The following NLRC3 variants were observed in gnomAD, a reference collection of about 807,000 sequenced individuals.
NLRC3 encodes the protein NLR family CARD domain-containing protein 3.
In NLRC3, 87 loss-of-function variants were observed where a neutral mutation model predicts 91.6. The ratio of observed to expected loss-of-function variants is 0.95; its 90% CI spans 0.80 to 1.14. The LOEUF (loss-of-function observed/expected upper bound fraction) is 1.14, where lower values mean the gene tolerates loss of function less well. Among genes scored for constraint, NLRC3 ranks in the 50% most tolerant of loss-of-function variants. NLRC3 has a pLI of 0.00. For missense variants in NLRC3, 1,577 were observed against 1,418.6 expected, an observed-to-expected ratio of 1.11 and a Z score of -1.79; for synonymous variants, 694 against 625.3, an observed-to-expected ratio of 1.11 and a Z score of -1.64.
In NLRC3 at chr16:3,542,731, GC is replaced by G. The variant is rs1452173515; in HGVS notation, c.2983del (p.Ala995GlnfsTer4). On this transcript the variant is annotated frameshift_variant, in exon 18 of 20. Transcript: ENST00000359128. LOFTEE classifies it high-confidence loss of function. ...AIGVAGAKAL[A>X]NALKVNSSLR... ...ACTTGAGTTTACCTTCAGAGCATTT[GC>G]CAGGGCTTTGGCTCCAGCCACCCCA... 1 of 1,610,746 alleles carries G rather than the reference GC, an allele frequency of 6.2e-7. No individual in the cohort carries two copies. The highest frequency in any genetic ancestry group is 1.7e-5 in the Admixed American group (1 of 59,664).
At chr16:3,572,767 C>T (rs755256957) in intron 1 of NLRC3, among the ~76,000 whole-genome samples, 1 of 152,098 alleles carries the variant, frequency 6.6e-6, no homozygotes, top group Non-Finnish European at 1.5e-5. Flanking sequence ...AATCCTAGCA[C>T]TTTGGGAGGC....
intron 11 of NLRC3, among the ~76,000 whole-genome samples, chr16:3,550,103 A>G (rs2038915523): frequency 6.6e-6 from 1 of 152,176 alleles, no homozygotes; most frequent in African/African-American, 2.4e-5. Flanking sequence ...AGGCTCCCCA[A>G]GTGTGGGTGT....
chr16:3,569,392 A>ATATAT (rs1555446797), intron 1 of NLRC3, among the ~76,000 whole-genome samples: 12 of 55,558 alleles, frequency 2.2e-4, no homozygotes, highest in East Asian at 1.6e-3. Context: ...ATATATATAT[A>ATATAT]TATTATTTTT....
intron 1 of NLRC3, among the ~76,000 whole-genome samples, chr16:3,570,449 C>T (rs2040060220): frequency 6.6e-6 from 1 of 152,162 alleles, no homozygotes; most frequent in South Asian, 2.1e-4. Flanking sequence ...AAGTCCTTGA[C>T]CTGCGGTTTG....
rs1180341853 is a variant in NLRC3, at chr16:3,549,205, C to G, written c.2540G>C (p.Ser847Thr). The G allele has an allele frequency of 6.3e-7, 1 of 1,586,064 alleles. No homozygotes were observed. Among genetic ancestry groups the G allele is most frequent in the Non-Finnish European group, 8.6e-7 (1 of 1,165,916 alleles). Residue 847 changes from serine (S) to threonine (T), a missense_variant, in exon 13 of 20, where the codon AGT becomes ACT. Transcript: ENST00000359128. Reference sequence around the variant, plus strand: ...AGCGATGGCCTGGGCTCCCTCGGGACTGATGGAGTTTTCTCGAAGGCTGAA... The same window carrying G: ...AGCGATGGCCTGGGCTCCCTCGGGAGTGATGGAGTTTTCTCGAAGGCTGAA... Reference protein sequence around the residue: ...LSLSLRENSISPEGAQAIAHA... With the variant: ...LSLSLRENSITPEGAQAIAHA...
Position 3,542,702 on chromosome 16 carries a change from G to C in NLRC3, c.3013C>G (p.Arg1005Gly). 6.2e-7 allele frequency: 1 copy of C among 1,608,302 alleles called. No homozygotes were observed. Among genetic ancestry groups the C allele is most frequent in the Non-Finnish European group, 8.5e-7 (1 of 1,176,490 alleles). ...ANALKVNSSL[R>G]RLNLQENSLG... ...CCTCCAGCCACTTACTTGAGTCTCC[G>C]GAGACTTGAGTTTACCTTCAGAGCA... The change falls in exon 18 of 20, where the codon CGG (arginine) becomes GGG (glycine). Residue 1005 changes from arginine to glycine, a missense_variant. Transcript: ENST00000359128.
rs1224483634 is a variant in NLRC3, at chr16:3,551,534, ACCAT to A, written c.2351+658_2351+661del. 2.5e-4 allele frequency among the ~76,000 whole-genome samples: 33 copies of A among 132,576 alleles called. 1 individual carries two copies. The highest frequency in any genetic ancestry group is 1.0e-3 in the South Asian group (4 of 3,970). 87.0% of individuals were successfully genotyped at this position (132,576 alleles called of 152,430 possible). A position where few individuals can be genotyped will look rare whatever the true frequency, so the allele number is the denominator to read the frequency against. ...ACCCATTCATCCACTCATTTATTCAACCATCCATCCATCCATCCACCCATCCACC... is the reference window on the plus strand; with the variant it reads ...ACCCATTCATCCACTCATTTATTCAACCATCCATCCATCCACCCATCCACC... On this transcript the variant is annotated intron_variant, in intron 10 of 19. Transcript: ENST00000359128.
At chr16:3,544,797 G>A (rs189852465) in intron 15 of NLRC3, 14 of 171,960 alleles carry the variant, frequency 8.1e-5, no homozygotes, top group Admixed American at 5.8e-4. Context: ...TCAGCCTCCC[G>A]AGGAGACTAA....
In NLRC3 at chr16:3,541,619, G is replaced by A. The variant is rs183395995; in HGVS notation, c.*206C>T. 1.3e-4 allele frequency: 78 copies of A among 584,118 alleles called. No individual in the cohort carries two copies. Among genetic ancestry groups the A allele is most frequent in the African/African-American group, 8.4e-4 (45 of 53,590 alleles). The allele number at this position is 584,118 out of a possible 1,614,324, so 36.2% of individuals were successfully genotyped here. ...TTCTCTGTGCCATAACAGAGTACCC[G>A]TCACCCCCTGCCTGGACCACTCCTG... is the stretch of plus-strand genomic sequence containing the variant. On this transcript the variant is annotated 3_prime_UTR_variant, in exon 20 of 20. Coordinates refer to ENST00000359128, the MANE Select transcript of NLRC3 (RefSeq NM_178844.4).
chr16:3,543,641 G>A (rs539391470), intron 16 of NLRC3, 133 bp from the exon 17 acceptor site: 50 of 664,168 alleles, frequency 7.5e-5, no homozygotes, highest in Non-Finnish European at 1.3e-4. Flanking sequence ...GGCCAGCGCT[G>A]TGTCTAGGCA....
chr16:3,559,888 G>A (rs989935349), intron 6 of NLRC3, among the ~76,000 whole-genome samples: 1 of 151,564 alleles, frequency 6.6e-6, no homozygotes, highest in Non-Finnish European at 1.5e-5. Context: ...AGTGATTCAC[G>A]GGCCTCAGTC....
intron 15 of NLRC3, among the ~76,000 whole-genome samples, chr16:3,546,957 AAGG>A (rs1193877099): frequency 6.6e-6 from 1 of 152,150 alleles, no homozygotes; most frequent in African/African-American, 2.4e-5. Context: ...CTGGAAGCTG[AAGG>A]AGAAGAAATG....
Position 3,554,248 on chromosome 16 carries a change from A to G in NLRC3, c.2261T>C (p.Met754Thr). 6.2e-7 allele frequency: 1 copy of G among 1,611,098 alleles called. No individual in the cohort carries two copies. The highest frequency in any genetic ancestry group is 8.5e-7 in the Non-Finnish European group (1 of 1,177,266). Reference sequence around the variant, plus strand: ...AGGAGATGTGTTCACTCACTGCAGCATGGAGAGGGTCCGGTTGGAGGCCAA... The same window carrying G: ...AGGAGATGTGTTCACTCACTGCAGCGTGGAGAGGGTCCGGTTGGAGGCCAA... ...EALASNRTLSMLHLQKNSIGP... is the reference protein window; with the variant it reads ...EALASNRTLSTLHLQKNSIGP... Residue 754 changes from methionine (M) to threonine (T), a missense_variant, in exon 9 of 20, where the codon ATG becomes ACG. Transcript: ENST00000359128.
intron 8 of NLRC3, among the ~76,000 whole-genome samples, chr16:3,555,171 A>G (rs1339784495): frequency 1.1e-4 from 17 of 150,038 alleles, no homozygotes; most frequent in Non-Finnish European, 3.0e-5. Context: ...CAGAGGTTGC[A>G]GTGAGCTAAG....
chr16:3,573,319 C>T (rs1392201585), intron 1 of NLRC3, among the ~76,000 whole-genome samples: 3 of 151,990 alleles, frequency 2.0e-5, no homozygotes, highest in African/African-American at 7.2e-5. Context: ...CCCAGCTACT[C>T]AAGGAAGCTG....
In NLRC3 at chr16:3,555,204, TG is replaced by T. The variant is rs2039239550; in HGVS notation, c.2184-880del. Among the ~76,000 whole-genome samples the T allele has an allele frequency of 2.2e-5, 3 of 137,422 alleles. No homozygotes were observed. The South Asian group carries it at 6.8e-4, about 31-fold the overall frequency. The allele number at this position is 137,422 out of a possible 152,430, so 90.2% of individuals were successfully genotyped here. ...AAGATCACGCCACTGCACTCCAGTCTGGGTGACAGAGTCAGACTCCGTCTCA... is the reference window on the plus strand; with the variant it reads ...AAGATCACGCCACTGCACTCCAGTCTGGTGACAGAGTCAGACTCCGTCTCA... On this transcript the variant is annotated intron_variant, in intron 8 of 19. Transcript: ENST00000359128.
intron 1 of NLRC3, among the ~76,000 whole-genome samples, chr16:3,576,507 C>T (rs2040301232): frequency 6.6e-6 from 1 of 152,232 alleles, no homozygotes; most frequent in Admixed American, 6.5e-5. Context: ...GCCGATTCCC[C>T]AGGCCGTGGC....
intron 1 of NLRC3, among the ~76,000 whole-genome samples, chr16:3,576,021 C>T (rs568616008): frequency 9.8e-5 from 15 of 152,320 alleles, no homozygotes; most frequent in African/African-American, 3.4e-4. Context: ...ACCTCAGGGC[C>T]CTACCCTGCT....
chr16:3,554,232 G>C lies in NLRC3; in HGVS notation c.2267+10C>G. The C allele has an allele frequency of 6.3e-7, 1 of 1,596,242 alleles. No individual in the cohort carries two copies. The highest frequency in any genetic ancestry group is 8.6e-7 in the Non-Finnish European group (1 of 1,163,646). On this transcript the variant is annotated intron_variant, in intron 9 of 19. Transcript: ENST00000359128. ...GAGAGAAGGGGGAGAGAGGAGATGT[G>C]TTCACTCACTGCAGCATGGAGAGGG...
Sources: gnomAD v4.1 joint callset for allele counts (sites outside exome capture counted in the v4.1 genomes callset) on GRCh38, gnomAD v4.1.1 for gene constraint, MANE v1.5 for transcripts, NCBI Gene and HGNC (gene_info 2026-07-23, HGNC 2026-07-21) for gene names.